DPY19L1: variants seen among roughly 807,000 people sequenced by gnomAD.
DPY19L1 encodes dpy-19 like C-mannosyltransferase 1, also known as protein C-mannosyl-transferase DPY19L1.
A neutral mutation model predicts 96.9 loss-of-function variants in DPY19L1; 35 were observed. The ratio of observed to expected loss-of-function variants is 0.36; its 90% CI spans 0.28 to 0.48. The LOEUF is 0.48. Among genes scored for constraint, DPY19L1 ranks in the 20% least tolerant of loss-of-function variants. The pLI is 0.99. For missense variants in DPY19L1, 521 were observed against 777.9 expected (o/e 0.67, Z 3.93); for synonymous variants, 205 against 252.6 (o/e 0.81, Z 1.79).
At chr7:35,034,325 T>C (rs1345656447) in intron 1 of DPY19L1, among the ~76,000 whole-genome samples, 1 of 152,198 alleles carries the variant, frequency 6.6e-6, no homozygotes, top group Non-Finnish European at 1.5e-5. Context: ...TATGCATATA[T>C]GTACTGAGTT....
Position 34,958,036 on chromosome 7 carries a change from C to A in DPY19L1, c.1127G>T (p.Gly376Val). The change falls in exon 11 of 22, where the codon GGG (glycine) becomes GTG (valine). Residue 376 changes from glycine (G) to valine (V), a missense_variant. Coordinates refer to ENST00000638088, the MANE Select transcript of DPY19L1 (RefSeq NM_001366673.1). ...SLALCFVLMF[G>V]NSMLLTSYYA... ...ATAAGAAGTTAATAACATTGAGTTC[C>A]CAAACATCAAAACAAAACAAAGTGC... The A allele has an allele frequency of 6.3e-7, 1 of 1,584,670 alleles. No individual in the cohort carries two copies. The highest frequency in any genetic ancestry group is 8.5e-7 in the Non-Finnish European group (1 of 1,171,264).
intron 1 of DPY19L1, among the ~76,000 whole-genome samples, chr7:35,020,143 AAAT>A (rs1329000447): frequency 5.3e-5 from 8 of 152,218 alleles, no homozygotes; most frequent in Admixed American, 1.3e-4. Flanking sequence ...TAAAGAAAAA[AAAT>A]AATAATAATC....
Position 34,947,690 on chromosome 7 carries a change from T to C in DPY19L1, c.1434A>G (p.Arg478=), listed in dbSNP as rs372502374. 18 of 1,610,040 alleles carry C rather than the reference T, an allele frequency of 1.1e-5. No homozygotes were observed. In the Admixed American group the frequency reaches 2.0e-4, roughly 18 times the overall value. The change falls in exon 15 of 22, where the codon AGA becomes AGG. Residue 478 remains arginine, a synonymous_variant. Transcript: ENST00000638088. ...FDFMEKETPL[R]YTKTLLLPVV... is the part of the protein sequence containing the mutation. ...CTGGAAGCAATAATGTCTTTGTGTA[T>C]CTCAGTGGAGTCTGAAATTCAAAGA... is the stretch of plus-strand genomic sequence containing the variant.
At chr7:34,965,328 T>A (rs749579675) in intron 10 of DPY19L1, among the ~76,000 whole-genome samples, 7 of 152,190 alleles carry the variant, frequency 4.6e-5, no homozygotes, top group Non-Finnish European at 1.0e-4. Context: ...ATATTTGAAT[T>A]CTAGTTACAT....
intron 7 of DPY19L1, among the ~76,000 whole-genome samples, chr7:34,979,817 A>C (rs567422760): frequency 6.8e-4 from 104 of 152,276 alleles, no homozygotes; most frequent in Non-Finnish European, 1.0e-3. Flanking sequence ...AAGATTTAGT[A>C]TATTCAGGAA....
At position 34,929,645 on chromosome 7, in the gene DPY19L1, TCA is replaced by T. The variant is rs1211056086; in HGVS notation, c.*1926_*1927del. The T allele has an allele frequency of 6.6e-6, 1 of 152,108 alleles. No individual in the cohort carries two copies. The highest frequency in any genetic ancestry group is 2.4e-5 in the African/African-American group (1 of 41,418). The allele number at this position is 152,108 out of a possible 1,614,324, so 9.4% of individuals were successfully genotyped here. A position where few individuals can be genotyped will look rare whatever the true frequency, so the allele number is the denominator to read the frequency against. On this transcript the variant is annotated 3_prime_UTR_variant, in exon 22 of 22. Transcript: ENST00000638088. Reference sequence around the variant, plus strand: ...TCAGCCACACTCAGGTGAGCAACAATCACAGATAAGCAGCGCGCACCTCCCTC... The same window carrying T: ...TCAGCCACACTCAGGTGAGCAACAATCAGATAAGCAGCGCGCACCTCCCTC...
intron 18 of DPY19L1, among the ~76,000 whole-genome samples, chr7:34,941,247 A>C (rs1212901947): frequency 1.3e-5 from 2 of 152,186 alleles, no homozygotes; most frequent in African/African-American, 4.8e-5. Flanking sequence ...GGAGAAGCAT[A>C]AATCTGTGAA....
intron 21 of DPY19L1, among the ~76,000 whole-genome samples, chr7:34,932,502 C>G (rs1783775116): frequency 6.6e-6 from 1 of 152,152 alleles, no homozygotes; most frequent in African/African-American, 2.4e-5. Context: ...ATGCTTTCTA[C>G]TGAATGCATA....
chr7:34,982,664 CAG>C (rs1054392449), intron 7 of DPY19L1, among the ~76,000 whole-genome samples: 5 of 152,210 alleles, frequency 3.3e-5, no homozygotes, highest in African/African-American at 1.2e-4. Flanking sequence ...CTGCCATAGG[CAG>C]AGAGTCTTTG....
intron 7 of DPY19L1, among the ~76,000 whole-genome samples, chr7:34,987,303 T>C (rs1785071125): frequency 1.3e-5 from 2 of 152,182 alleles, no homozygotes; most frequent in Admixed American, 6.5e-5. Flanking sequence ...ATGTATAACC[T>C]CAACATTACT....
intron 13 of DPY19L1, among the ~76,000 whole-genome samples, chr7:34,952,241 C>T (rs1431304505): frequency 6.6e-6 from 1 of 151,734 alleles, no homozygotes; most frequent in African/African-American, 2.4e-5. Context: ...TGCATATACA[C>T]AAAAATTCCA....
chr7:34,953,194 C>A (rs1784304840), intron 13 of DPY19L1, among the ~76,000 whole-genome samples: 1 of 152,112 alleles, frequency 6.6e-6, no homozygotes, highest in South Asian at 2.1e-4. Flanking sequence ...TAACCAATGT[C>A]AAAATTAAGA....
intron 6 of DPY19L1, 112 bp from the exon 7 acceptor site, chr7:34,990,053 T>C (rs1270330397): frequency 1.5e-6 from 1 of 679,302 alleles, no homozygotes; most frequent in Non-Finnish European, 2.4e-6. Flanking sequence ...TTTATAGTCA[T>C]ACTAGAACTC....
At chr7:34,984,016 G>A (rs943152189) in intron 7 of DPY19L1, among the ~76,000 whole-genome samples, 14 of 152,066 alleles carry the variant, frequency 9.2e-5, no homozygotes, top group African/African-American at 2.2e-4. Flanking sequence ...CTTATAAACC[G>A]GTGGAAGCCA....
At chr7:34,943,989 G>C (rs939255933) in intron 16 of DPY19L1, among the ~76,000 whole-genome samples, 1 of 152,150 alleles carries the variant, frequency 6.6e-6, no homozygotes, top group East Asian at 1.9e-4. Flanking sequence ...TCTCTCAGGA[G>C]TATGTGCAAT....
chr7:34,947,778 T>C (rs1784182391), intron 14 of DPY19L1, 77 bp from the exon 15 acceptor site: 1 of 1,186,936 alleles, frequency 8.4e-7, no homozygotes, highest in Non-Finnish European at 1.2e-6. Context: ...ATGAAATAGG[T>C]AAATTTCTGA....
At chr7:35,007,607 GTGTA>G (rs779188651) in intron 6 of DPY19L1, among the ~76,000 whole-genome samples, 2,787 of 87,470 alleles carry the variant, frequency 0.032, 35 homozygotes, top group Non-Finnish European at 0.039. Context: ...GTGTGTGTGT[GTGTA>G]TATATATATT....
intron 6 of DPY19L1, among the ~76,000 whole-genome samples, chr7:35,008,534 AAT>A (rs1303389862): frequency 6.6e-6 from 1 of 152,166 alleles, no homozygotes; most frequent in African/African-American, 2.4e-5. Context: ...TTCTTCTTTC[AAT>A]TAAAAAAGTA....
At chr7:34,939,418 G>GAGACACCTTCT in intron 19 of DPY19L1, 43 bp from the exon 20 acceptor site, 1 of 1,535,382 alleles carries the variant, frequency 6.5e-7, no homozygotes, top group Non-Finnish European at 9.0e-7. Context: ...CTCAGTGAAG[G>GAGACACCTTCT]CGAGAAGGTG....
Sources: allele counts gnomAD v4.1 joint callset (sites outside exome capture counted in the v4.1 genomes callset), GRCh38; gene constraint gnomAD v4.1.1; transcripts MANE v1.5; gene names NCBI Gene and HGNC (gene_info 2026-07-23, HGNC 2026-07-21).